Variants in SPTA1 observed in about 807,000 individuals in gnomAD.
SPTA1 encodes spectrin alpha chain, erythrocytic 1.
SPTA1 carries 177 observed loss-of-function variants against 324.7 expected under a neutral mutation model. The ratio of observed to expected loss-of-function variants is 0.55; its 90% CI spans 0.48 to 0.62. The LOEUF is 0.62. Among genes scored for constraint, SPTA1 ranks in the 20% least tolerant of loss-of-function variants. The probability of loss-of-function intolerance (pLI) is 0.00; values close to 1 mark genes in which losing one functional copy is unlikely to be tolerated. For missense variants in SPTA1, 3,162 were observed against 2,883.6 expected, an observed-to-expected ratio of 1.10 and a Z score of -2.21; for synonymous variants, 1,195 against 1,041.3, an observed-to-expected ratio of 1.15 and a Z score of -2.84.
intron 44 of SPTA1, among the ~76,000 whole-genome samples, chr1:158,619,917 T>C (rs1418686263): frequency 1.3e-5 from 2 of 152,152 alleles, no homozygotes; most frequent in Non-Finnish European, 2.9e-5. Flanking sequence ...TAGAACCATG[T>C]CTTGGGGCTT....
At chr1:158,654,548 G>A (rs778525331) in intron 21 of SPTA1, 63 bp downstream of exon 21, 87 of 1,606,058 alleles carry the variant, frequency 5.4e-5, no homozygotes, top group Non-Finnish European at 7.1e-5. Context: ...ATATCTGGCA[G>A]GATTGGGAGA....
chr1:158,632,826 T>A (rs1356319232), intron 39 of SPTA1, among the ~76,000 whole-genome samples: 1 of 152,052 alleles, frequency 6.6e-6, no homozygotes, highest in East Asian at 1.9e-4. Flanking sequence ...TGGGGTCCTG[T>A]ACATTTATCC....
At chr1:158,679,368 A>C (rs935275885) in intron 5 of SPTA1, among the ~76,000 whole-genome samples, 1 of 152,072 alleles carries the variant, frequency 6.6e-6, no homozygotes, top group South Asian at 2.1e-4. Context: ...ATCCCTTCAA[A>C]AGGTAGAGTA....
At chr1:158,613,464 G>T (rs1254244481) in intron 50 of SPTA1, among the ~76,000 whole-genome samples, 5 of 152,156 alleles carry the variant, frequency 3.3e-5, no homozygotes, top group Admixed American at 2.6e-4. Flanking sequence ...ATCCTCAAAA[G>T]TAGCTGAAAT....
In SPTA1 at chr1:158,667,979, G is replaced by C. The variant is rs1215559402; in HGVS notation, c.1917C>G (p.Asn639Lys). Reference sequence around the variant, plus strand: ...TCATCTCTTGGCCAGTTTTCTGTATGTTTTCCAGCTGGGTCTTATTAACTG... The same window carrying C: ...TCATCTCTTGGCCAGTTTTCTGTATCTTTTCCAGCTGGGTCTTATTAACTG... ...ELAVNKTQLE[N>K]IQKTGQEMIE... The change falls in exon 15 of 52, where the codon AAC (asparagine) becomes AAG (lysine). Residue 639 changes from asparagine (N) to lysine (K), a missense_variant. Transcript: ENST00000643759. 1.2e-6 allele frequency: 2 copies of C among 1,612,684 alleles called. No individual in the cohort carries two copies. Among genetic ancestry groups the C allele is most frequent in the Non-Finnish European group, 1.7e-6 (2 of 1,179,834 alleles).
chr1:158,619,043 T>G lies in SPTA1; in HGVS notation c.6530+179A>C. 4.4e-6 allele frequency: 3 copies of G among 682,618 alleles called. No homozygotes were observed. The South Asian group carries it at 4.8e-5, about 11-fold the overall frequency. The allele number at this position is 682,618 out of a possible 1,614,324, so 42.3% of individuals were successfully genotyped here. On this transcript the variant is annotated intron_variant, in intron 45 of 51. Transcript: ENST00000643759. ...AGGATGAAATTGTCATTTCTTGGTT[T>G]TCCAAGAATTGATTCAGAAAACAGT...
In SPTA1 at chr1:158,686,629, T is replaced by A; in HGVS notation, c.-112A>T. 1.2e-6 allele frequency: 1 copy of A among 826,022 alleles called. No individual in the cohort carries two copies. The highest frequency in any genetic ancestry group is 2.0e-6 in the Non-Finnish European group (1 of 503,510). The allele number at this position is 826,022 out of a possible 1,614,324, so 51.2% of individuals were successfully genotyped here. A position where few individuals can be genotyped will look rare whatever the true frequency, so the allele number is the denominator to read the frequency against. ...AATTCAAATAGAAATATAGAAACGT[T>A]AAGTATGTGGGGGAAAAAAAAAAAC... On this transcript the variant is annotated 5_prime_UTR_variant, in exon 1 of 52. Coordinates refer to ENST00000643759, the MANE Select transcript of SPTA1 (RefSeq NM_003126.4).
At position 158,642,816 on chromosome 1, in the gene SPTA1, G is replaced by A. The variant is rs1172797322; in HGVS notation, c.4603C>T (p.Gln1535Ter). Residue 1535 changes from glutamine to a stop codon, truncating the protein, a stop_gained and splice_region_variant, in exon 32 of 52, where the codon CAG (glutamine) becomes TAG (stop). Coordinates refer to ENST00000643759, the MANE Select transcript of SPTA1 (RefSeq NM_003126.4). LOFTEE classifies it high-confidence loss of function. ...CAAGATTCCTATTTTGAACTTGCCT[G>A]AATGTTAGTGGCGTCTTTGTAGGAT... The part of the protein sequence containing the change: ...DESYKDATNI[Q>*]RKYLKHQTFA... 1.2e-6 allele frequency: 2 copies of A among 1,613,740 alleles called. No individual in the cohort carries two copies. The highest frequency in any genetic ancestry group is 1.7e-6 in the Non-Finnish European group (2 of 1,179,854).
chr1:158,650,015 A>C, intron 24 of SPTA1, 68 bp from the exon 25 acceptor site: 1 of 1,042,302 alleles, frequency 9.6e-7, no homozygotes, highest in Non-Finnish European at 1.5e-6. Flanking sequence ...GCGTCTGAAG[A>C]CCAGACAAGA....
At chr1:158,664,797 A>G (rs1480280860) in intron 16 of SPTA1, among the ~76,000 whole-genome samples, 2 of 152,242 alleles carry the variant, frequency 1.3e-5, no homozygotes, top group Non-Finnish European at 2.9e-5. Flanking sequence ...CATAATCATT[A>G]TCATCATCAC....
Position 158,651,513 on chromosome 1 carries a change from C to G in SPTA1, c.3376-45G>C, listed in dbSNP as rs753859265. On this transcript the variant is annotated intron_variant, in intron 23 of 51. Coordinates refer to ENST00000643759, the MANE Select transcript of SPTA1 (RefSeq NM_003126.4). ...CAAAGCAGTGTAAATTCATCCAAAG[C>G]AGTGTAAATCCCCTCATCAAGAATC... 6 of 1,284,874 alleles carry G rather than the reference C, an allele frequency of 4.7e-6. No individual in the cohort carries two copies. In the East Asian group the frequency reaches 9.2e-5, roughly 20 times the overall value. The allele number at this position is 1,284,874 out of a possible 1,614,324, so 79.6% of individuals were successfully genotyped here.
rs141263340 is a variant in SPTA1, at chr1:158,639,702, T to G, written c.4876-16A>C. On this transcript the variant is annotated splice_polypyrimidine_tract_variant and intron_variant, in intron 34 of 51. Coordinates refer to ENST00000643759, the MANE Select transcript of SPTA1 (RefSeq NM_003126.4). Reference sequence around the variant, plus strand: ...ATGTCTCTGCCTGGAAATAGAGAAATAAGCAATAAAGCTGCCAGGTGAAAC... The same window carrying G: ...ATGTCTCTGCCTGGAAATAGAGAAAGAAGCAATAAAGCTGCCAGGTGAAAC... 1.2e-6 allele frequency: 2 copies of G among 1,613,614 alleles called. No individual in the cohort carries two copies. Among genetic ancestry groups the G allele is most frequent in the African/African-American group, 2.7e-5 (2 of 74,982 alleles).
rs112352460 is a variant in SPTA1 at position 158,643,032 on chromosome 1, T to A, written c.4443-56A>T. ...CTCCTCCACCCTTCCCATGCTCTGA[T>A]GCCATATCCATAAATCTTCCCATTT... On this transcript the variant is annotated intron_variant, in intron 31 of 51. Transcript: ENST00000643759. 2,637 of 1,605,890 alleles carry A rather than the reference T, an allele frequency of 1.6e-3. 36 individuals are homozygous for A. The African/African-American group carries it at 0.031, about 19-fold the overall frequency.
chr1:158,672,487 T>A (rs1261562467), intron 10 of SPTA1, among the ~76,000 whole-genome samples: 2 of 151,986 alleles, frequency 1.3e-5, no homozygotes, highest in African/African-American at 4.8e-5. Flanking sequence ...CAAACAGAGA[T>A]TTAAAAGGTA....
At chr1:158,655,689 C>T (rs58149626) in intron 20 of SPTA1, among the ~76,000 whole-genome samples, 4,388 of 152,230 alleles carry the variant, frequency 0.029, 217 homozygotes, top group African/African-American at 0.1. Context: ...GAAAGAATTC[C>T]TTGAAGGTAA....
chr1:158,639,339 G>T (rs1157618781), intron 35 of SPTA1: 10 of 545,330 alleles, frequency 1.8e-5, no homozygotes, highest in Non-Finnish European at 3.0e-5. Context: ...AGATAAAAAA[G>T]ATAGTTTCCC....
Position 158,643,435 on chromosome 1 carries a change from G to A in SPTA1, c.4339-10C>T. The A allele has an allele frequency of 2.5e-6, 4 of 1,612,592 alleles. No homozygotes were observed. Among genetic ancestry groups the A allele is most frequent in the East Asian group, 2.2e-5 (1 of 44,842 alleles). On this transcript the variant is annotated splice_polypyrimidine_tract_variant and intron_variant, in intron 30 of 51. Coordinates refer to ENST00000643759, the MANE Select transcript of SPTA1 (RefSeq NM_003126.4). ...CAGTGATCTTCCCTTCCTAAATAAA[G>A]GAAAAGGAAAGAGCCCAGATGCTTG...
At chr1:158,631,500 A>T (rs1419347441) in intron 39 of SPTA1, among the ~76,000 whole-genome samples, 1 of 152,194 alleles carries the variant, frequency 6.6e-6, no homozygotes, top group Non-Finnish European at 1.5e-5. Context: ...CATATTGGAT[A>T]TAGTGCACAC....
chr1:158,649,773 T>C, intron 25 of SPTA1, 83 bp downstream of exon 25: 2 of 1,154,826 alleles, frequency 1.7e-6, no homozygotes, highest in Non-Finnish European at 2.6e-6. Flanking sequence ...AAGATTATAC[T>C]ATGGTTCCAC....
Sources: allele counts gnomAD v4.1 joint callset (sites outside exome capture counted in the v4.1 genomes callset), GRCh38; gene constraint gnomAD v4.1.1; transcripts MANE v1.5; gene names NCBI Gene and HGNC (gene_info 2026-07-23, HGNC 2026-07-21).